Variants in PPP1R9A observed in about 807,000 individuals in gnomAD.
PPP1R9A encodes protein phosphatase 1 regulatory subunit 9A.
Under a neutral mutation model 141.9 loss-of-function variants are expected in PPP1R9A, and 59 were observed. The ratio of observed to expected loss-of-function variants is 0.42; its 90% confidence interval spans 0.34 to 0.52. PPP1R9A has a LOEUF of 0.52. Among genes scored for constraint, PPP1R9A ranks in the 20% least tolerant of loss-of-function variants. The pLI is 0.10. For missense variants in PPP1R9A, 1,444 were observed against 1,611.9 expected (o/e 0.90, Z 1.78); for synonymous variants, 500 against 569.7 (o/e 0.88, Z 1.74).
intron 2 of PPP1R9A, among the ~76,000 whole-genome samples, chr7:95,069,003 A>G (rs1446653346): frequency 2.0e-5 from 3 of 152,160 alleles, no homozygotes; most frequent in African/African-American, 7.2e-5. Flanking sequence ...CATATAACCC[A>G]CACACGTCCT....
chr7:95,114,087 T>C (rs1427705317), intron 3 of PPP1R9A, among the ~76,000 whole-genome samples: 1 of 152,100 alleles, frequency 6.6e-6, no homozygotes, highest in Non-Finnish European at 1.5e-5. Flanking sequence ...CTTATTTTGG[T>C]AGTAGCAAAA....
intron 2 of PPP1R9A, among the ~76,000 whole-genome samples, chr7:95,002,184 A>G (rs550946060): frequency 1.3e-5 from 2 of 152,352 alleles, no homozygotes; most frequent in South Asian, 4.1e-4. Context: ...TTCATGTTCA[A>G]AAACATGTTA....
chr7:94,924,448 T>A (rs542648661), intron 2 of PPP1R9A, among the ~76,000 whole-genome samples: 21 of 152,338 alleles, frequency 1.4e-4, no homozygotes, highest in African/African-American at 4.1e-4. Flanking sequence ...GAGTTTTAGT[T>A]TGAGTTACTG....
At chr7:95,050,328 G>A (rs986840541) in intron 2 of PPP1R9A, among the ~76,000 whole-genome samples, 4 of 152,070 alleles carry the variant, frequency 2.6e-5, no homozygotes, top group African/African-American at 9.7e-5. Context: ...TTTTGTTATT[G>A]TTGGCTTTTA....
At chr7:94,995,127 TA>T (rs1027626050) in intron 2 of PPP1R9A, among the ~76,000 whole-genome samples, 67 of 125,392 alleles carry the variant, frequency 5.3e-4, no homozygotes, top group African/African-American at 1.6e-3. Flanking sequence ...TCTAAGTTGA[TA>T]TTTTTTTTCA....
In PPP1R9A at chr7:94,911,011, A is replaced by G. The variant is rs758676917; in HGVS notation, c.898A>G (p.Ser300Gly). ...GATACCTGGTGAAGAGATCCAGCAG[A>G]GCAAGGAACCCGAGGACTCCACATC... ...ASIPGEEIQQ[S>G]KEPEDSTSNQ... The change falls in exon 2 of 20, where the codon AGC (serine) becomes GGC (glycine). Residue 300 changes from serine to glycine, a missense_variant. Ser to Gly is a moderately conservative substitution (Grantham distance 56). This residue lies in a region of PPP1R9A where 490 missense variants were observed against 521.1 expected (regional missense o/e 0.94). Transcript: ENST00000433360. 4 of 1,614,176 alleles carry G rather than the reference A, an allele frequency of 2.5e-6. No homozygotes were observed. The highest frequency in any genetic ancestry group is 3.4e-6 in the Non-Finnish European group (4 of 1,180,030).
chr7:94,949,260 T>A (rs1419889889), intron 2 of PPP1R9A, among the ~76,000 whole-genome samples: 1 of 152,144 alleles, frequency 6.6e-6, no homozygotes, highest in East Asian at 1.9e-4. Context: ...GTCAGTTTTC[T>A]CAAAACTCTC....
intron 6 of PPP1R9A, among the ~76,000 whole-genome samples, chr7:95,199,469 A>G (rs1284490337): frequency 6.6e-6 from 1 of 152,212 alleles, no homozygotes; most frequent in Non-Finnish European, 1.5e-5. Flanking sequence ...ATTAATAAAC[A>G]GACATTCAAA....
chr7:95,082,789 T>C (rs1486141874), intron 2 of PPP1R9A, among the ~76,000 whole-genome samples: 1 of 109,094 alleles, frequency 9.2e-6, no homozygotes, highest in African/African-American at 4.3e-5. Flanking sequence ...TTTTTTTTTT[T>C]GAGACGGAGT....
At chr7:95,229,666 G>T (rs1037793595) in intron 8 of PPP1R9A, among the ~76,000 whole-genome samples, 1 of 152,022 alleles carries the variant, frequency 6.6e-6, no homozygotes, top group Non-Finnish European at 1.5e-5. Context: ...CCCCCAACCT[G>T]GTGGTCTTAC....
chr7:94,947,710 A>G (rs1796043753), intron 2 of PPP1R9A, among the ~76,000 whole-genome samples: 2 of 152,092 alleles, frequency 1.3e-5, no homozygotes, highest in South Asian at 4.1e-4. Context: ...GATTGGTGCT[A>G]ATTTATAGTT....
At position 95,288,702 on chromosome 7, in the gene PPP1R9A, A is replaced by G. The variant is rs1205705455; in HGVS notation, c.3896A>G (p.Asp1299Gly). Residue 1299 changes from aspartate (D) to glycine (G), a missense_variant, in exon 19 of 20, where the codon GAT becomes GGT. Around this residue, in one of 5 missense-constraint regions of PPP1R9A, gnomAD observed 459 missense variants for 513.8 expected, o/e 0.89. Coordinates refer to ENST00000433360, the MANE Select transcript of PPP1R9A (RefSeq NM_001166160.2). The stretch of plus-strand genomic sequence containing the variant: ...ACTGGAGAACAGCTCCTGCAGTTGG[A>G]TGGAAATAAACTTAAGGTAAAGAAT... The part of the protein sequence containing the change: ...NITGEQLLQL[D>G]GNKLKALGMT... The G allele has an allele frequency of 6.2e-7, 1 of 1,613,932 alleles. No individual in the cohort carries two copies.
intron 2 of PPP1R9A, among the ~76,000 whole-genome samples, chr7:94,969,099 C>T (rs1336061150): frequency 6.6e-6 from 1 of 152,052 alleles, no homozygotes. Flanking sequence ...GCTCCTTTAG[C>T]TTGGAGGAGT....
intron 7 of PPP1R9A, 62 bp from the exon 8 acceptor site, chr7:95,225,899 C>T (rs1379592257): frequency 1.3e-6 from 2 of 1,509,844 alleles, no homozygotes; most frequent in Non-Finnish European, 1.8e-6. Flanking sequence ...AAAATATTTT[C>T]AAATAACTCA....
At chr7:95,084,894 T>A (rs1359382128) in intron 2 of PPP1R9A, among the ~76,000 whole-genome samples, 1 of 152,006 alleles carries the variant, frequency 6.6e-6, no homozygotes, top group Non-Finnish European at 1.5e-5. Context: ...TGTGCACGTT[T>A]ACATAGGCAC....
At chr7:95,022,015 A>C (rs140113570) in intron 2 of PPP1R9A, among the ~76,000 whole-genome samples, 2 of 152,074 alleles carry the variant, frequency 1.3e-5, no homozygotes, top group African/African-American at 4.8e-5. Context: ...AAGAAAGTCA[A>C]TGGTAGCTTG....
At chr7:94,940,554 A>G (rs926892554) in intron 2 of PPP1R9A, among the ~76,000 whole-genome samples, 1 of 152,036 alleles carries the variant, frequency 6.6e-6, no homozygotes, top group African/African-American at 2.4e-5. Context: ...TGTTTGTATA[A>G]TAAAAGAAAA....
chr7:94,944,721 T>C (rs1795712754), intron 2 of PPP1R9A, among the ~76,000 whole-genome samples: 1 of 152,128 alleles, frequency 6.6e-6, no homozygotes, highest in Non-Finnish European at 1.5e-5. Flanking sequence ...AGAATCTTTT[T>C]CTCAAAATAG....
chr7:95,278,693 A>C (rs1803632687), intron 16 of PPP1R9A, among the ~76,000 whole-genome samples: 1 of 152,238 alleles, frequency 6.6e-6, no homozygotes, highest in Admixed American at 6.5e-5. Flanking sequence ...TAAATTGAAT[A>C]GGGAAAAGTT....
Sources: gnomAD v4.1 joint callset for allele counts (sites outside exome capture counted in the v4.1 genomes callset) on GRCh38, gnomAD v4.1.1 for gene constraint, gnomAD v4.1.1 regional missense constraint, MANE v1.5 for transcripts, NCBI Gene and HGNC (gene_info 2026-07-23, HGNC 2026-07-21) for gene names.